The following PALD1 variants were observed in gnomAD, a reference collection of about 807,000 sequenced individuals.
The protein encoded by PALD1 is phosphatase domain containing paladin 1.
In PALD1, 57 loss-of-function variants were observed where a neutral mutation model predicts 96.0. The observed-to-expected ratio is 0.59, with a 90% CI of 0.48 to 0.74. The LOEUF (loss-of-function observed/expected upper bound fraction) is 0.74. PALD1 is among the 30% of genes least tolerant of loss of function. The pLI is 0.00. For missense variants in PALD1, 1,063 were observed against 1,143.7 expected (o/e 0.93, Z 1.02); for synonymous variants, 464 against 473.6 (o/e 0.98, Z 0.26).
At chr10:70,533,093 TG>T in intron 7 of PALD1, 23 bp downstream of exon 7, 1 of 1,557,546 alleles carries the variant, frequency 6.4e-7, no homozygotes, top group Non-Finnish European at 8.7e-7. Context: ...CGGGCGCGCA[TG>T]GGGGAGGAGT....
At chr10:70,560,376 C>CT (rs1847713108) in intron 18 of PALD1, among the ~76,000 whole-genome samples, 3 of 152,132 alleles carry the variant, frequency 2.0e-5, no homozygotes, top group Admixed American at 1.3e-4. Context: ...GCTCAGAACT[C>CT]TGAGTTTGGG....
In PALD1 at chr10:70,538,393, C is replaced by G; in HGVS notation, c.1437C>G (p.Ile479Met). ...SAGPVAPRDLIARGSLREDDL... is the reference protein window; with the variant it reads ...SAGPVAPRDLMARGSLREDDL... ...GCCCTGTGGCTCCGAGGGACCTCAT[C>G]GCCAGGGGCTCCCTAGTGAGTATGA... The change falls in exon 12 of 20, where the codon ATC (isoleucine) becomes ATG (methionine). Residue 479 changes from isoleucine to methionine, a missense_variant. Coordinates refer to ENST00000263563, the MANE Select transcript of PALD1 (RefSeq NM_014431.3). 6.2e-7 allele frequency: 1 copy of G among 1,611,806 alleles called. No individual in the cohort carries two copies. Among genetic ancestry groups the G allele is most frequent in the Non-Finnish European group, 8.5e-7 (1 of 1,179,922 alleles).
chr10:70,551,398 C>A (rs771436574), intron 18 of PALD1, among the ~76,000 whole-genome samples: 1 of 152,176 alleles, frequency 6.6e-6, no homozygotes. Flanking sequence ...GTCAGATCCC[C>A]CACAGCCTCT....
intron 18 of PALD1, among the ~76,000 whole-genome samples, chr10:70,553,764 G>A (rs1375784599): frequency 6.6e-6 from 1 of 152,140 alleles, no homozygotes; most frequent in African/African-American, 2.4e-5. Context: ...AGCGGGCGGA[G>A]GCACCATTTC....
At chr10:70,532,151 C>T (rs991176540) in intron 5 of PALD1, among the ~76,000 whole-genome samples, 2 of 152,116 alleles carry the variant, frequency 1.3e-5, no homozygotes, top group Admixed American at 6.5e-5. Flanking sequence ...CCTCCTCCTC[C>T]ATAACACAGA....
At chr10:70,533,184 G>C (rs754858262) in intron 7 of PALD1, 114 bp downstream of exon 7, 5 of 809,592 alleles carry the variant, frequency 6.2e-6, no homozygotes, top group Admixed American at 2.2e-5. Flanking sequence ...ATTCTGTGTT[G>C]TGTATGTGAG....
intron 18 of PALD1, among the ~76,000 whole-genome samples, chr10:70,556,890 T>C (rs1368125636): frequency 6.6e-6 from 1 of 152,168 alleles, no homozygotes; most frequent in Non-Finnish European, 1.5e-5. Context: ...CCAGAGGTCC[T>C]TGTTTCTGCT....
rs35277718 is a variant in PALD1, at chr10:70,529,210, C to A, written c.186-19C>A. 0.44 allele frequency: 13,186 copies of A among 29,922 alleles called. 1,705 individuals are homozygous for A. Among genetic ancestry groups the A allele is most frequent in the East Asian group, 0.63 (1,369 of 2,178 alleles). The allele number at this position is 29,922 out of a possible 1,614,324, so 1.9% of individuals were successfully genotyped here. ...TTGCTTGACTCAGTTTCCATTCTGCCCCCCCCCCCCCCCCCCAGGTACAAC... is the reference window on the plus strand; with the variant it reads ...TTGCTTGACTCAGTTTCCATTCTGCACCCCCCCCCCCCCCCCAGGTACAAC... On this transcript the variant is annotated intron_variant, in intron 2 of 19. Coordinates refer to ENST00000263563, the MANE Select transcript of PALD1 (RefSeq NM_014431.3).
At position 70,534,455 on chromosome 10, in the gene PALD1, T is replaced by G. The variant is rs373534035; in HGVS notation, c.1053T>G (p.Pro351=). Reference sequence around the variant, plus strand: ...CCCCCACGCAGGCCAAGCCCCTGCCTATGGAGCAGTTCCAGGTGATCCAGA... The same window carrying G: ...CCCCCACGCAGGCCAAGCCCCTGCCGATGGAGCAGTTCCAGGTGATCCAGA... ...EAAPTQAKPL[P]MEQFQVIQSF... Residue 351 remains proline, a synonymous_variant, in exon 9 of 20, where the codon CCT becomes CCG. Transcript: ENST00000263563. 1.5e-3 allele frequency: 2,366 copies of G among 1,612,474 alleles called. 58 individuals carry two copies. The South Asian group carries it at 0.025, about 17-fold the overall frequency.
chr10:70,501,675 T>C (rs1196923766), intron 1 of PALD1, among the ~76,000 whole-genome samples: 1 of 147,358 alleles, frequency 6.8e-6, no homozygotes, highest in Non-Finnish European at 1.5e-5. Context: ...TTCTAAATAG[T>C]GTATGTTTAC....
chr10:70,530,006 G>A lies in PALD1; in HGVS notation c.406G>A (p.Gly136Arg). The part of the protein sequence containing the change: ...VQGGLTVFGM[G>R]QPSLSGFRRV... ...GGGTGGGCTCACTGTGTTCGGCATG[G>A]GACAGCCCAGCCTCTCAGGGTTCAG... The change falls in exon 4 of 20, where the codon GGA becomes AGA. Residue 136 changes from glycine (G) to arginine (R), a missense_variant. Coordinates refer to ENST00000263563, the MANE Select transcript of PALD1 (RefSeq NM_014431.3). 6.3e-7 allele frequency: 1 copy of A among 1,598,924 alleles called. No homozygotes were observed. The highest frequency in any genetic ancestry group is 8.5e-7 in the Non-Finnish European group (1 of 1,173,190).
chr10:70,511,023 C>T (rs1846505845), intron 1 of PALD1, among the ~76,000 whole-genome samples: 1 of 152,126 alleles, frequency 6.6e-6, no homozygotes, highest in Admixed American at 6.5e-5. Context: ...GTCACTCCGC[C>T]CAAACGTGGA....
chr10:70,468,142 G>A, the PALD1 span, among the ~76,000 whole-genome samples: 1 of 152,174 alleles, frequency 6.6e-6, no homozygotes, highest in Admixed American at 6.5e-5. Flanking sequence ...CCTGGTCAGG[G>A]GACTTGATCT....
the PALD1 span, among the ~76,000 whole-genome samples, chr10:70,460,220 C>T: frequency 6.6e-6 from 1 of 152,194 alleles, no homozygotes; most frequent in Admixed American, 6.5e-5. Context: ...GCCCGCCCTC[C>T]AAGGCTGTGC....
At chr10:70,507,140 G>A (rs189182607) in intron 1 of PALD1, among the ~76,000 whole-genome samples, 94 of 151,998 alleles carry the variant, frequency 6.2e-4, no homozygotes, top group African/African-American at 2.2e-3. Context: ...GGTGGCTCGT[G>A]CCTGTAATCC....
the PALD1 span, among the ~76,000 whole-genome samples, chr10:70,464,599 G>T: frequency 6.6e-6 from 1 of 150,502 alleles, no homozygotes; most frequent in African/African-American, 2.4e-5. Flanking sequence ...AGTTGCTGGG[G>T]TATTCCAGGC....
At chr10:70,510,458 C>T (rs1228253269) in intron 1 of PALD1, among the ~76,000 whole-genome samples, 1 of 152,136 alleles carries the variant, frequency 6.6e-6, no homozygotes, top group South Asian at 2.1e-4. Context: ...TACTCTTAAC[C>T]CTATTCTCCC....
intron 1 of PALD1, among the ~76,000 whole-genome samples, chr10:70,521,211 G>A (rs1846727400): frequency 2.0e-5 from 3 of 152,130 alleles, no homozygotes; most frequent in African/African-American, 7.2e-5. Flanking sequence ...AGTGGATGGG[G>A]TTGGGAGTTG....
rs755929135 is a variant in PALD1, at chr10:70,529,999, C to G, written c.399C>G (p.Phe133Leu). The G allele has an allele frequency of 6.2e-7, 1 of 1,603,940 alleles. No individual in the cohort carries two copies. Among genetic ancestry groups the G allele is most frequent in the African/African-American group, 1.3e-5 (1 of 74,328 alleles). Reference sequence around the variant, plus strand: ...AGGTGCAGGGTGGGCTCACTGTGTTCGGCATGGGACAGCCCAGCCTCTCAG... The same window carrying G: ...AGGTGCAGGGTGGGCTCACTGTGTTGGGCATGGGACAGCCCAGCCTCTCAG... ...FRQVQGGLTV[F>L]GMGQPSLSGF... Residue 133 changes from phenylalanine to leucine, a missense_variant, in exon 4 of 20, where the codon TTC becomes TTG. Phe to Leu is a conservative substitution (Grantham distance 22). Coordinates refer to ENST00000263563, the MANE Select transcript of PALD1 (RefSeq NM_014431.3).
Sources: gnomAD v4.1 joint callset for allele counts (sites outside exome capture counted in the v4.1 genomes callset) on GRCh38, gnomAD v4.1.1 for gene constraint, MANE v1.5 for transcripts, NCBI Gene and HGNC (gene_info 2026-07-23, HGNC 2026-07-21) for gene names.